PRKN: variants seen among roughly 807,000 people sequenced by gnomAD.
The protein encoded by PRKN is parkin RBR E3 ubiquitin protein ligase, also known as E3 ubiquitin-protein ligase parkin.
In PRKN, 56 loss-of-function variants were observed where a neutral mutation model predicts 59.5. The ratio of observed to expected loss-of-function variants is 0.94; its 90% CI spans 0.76 to 1.18. The LOEUF (loss-of-function observed/expected upper bound fraction) is 1.18. Ranked by LOEUF, PRKN falls within the 50% of genes most tolerant of loss-of-function variation. The probability of loss-of-function intolerance (pLI) is 0.00; values close to 1 mark genes in which losing one functional copy is unlikely to be tolerated. For synonymous variants in PRKN, 250 were observed against 222.1 expected (o/e 1.13, Z -1.12); for missense variants, 657 against 596.4 (o/e 1.10, Z -1.06).
intron 2 of PRKN, among the ~76,000 whole-genome samples, chr6:162,386,269 G>A (rs945406979): frequency 2.0e-5 from 3 of 152,156 alleles, no homozygotes; most frequent in Admixed American, 6.5e-5. Flanking sequence ...AAATTTAACC[G>A]TGCCACAGTG....
At chr6:161,885,586 A>G (rs1007586746) in intron 6 of PRKN, among the ~76,000 whole-genome samples, 1 of 150,056 alleles carries the variant, frequency 6.7e-6, no homozygotes. Flanking sequence ...AATGGCGTGA[A>G]CCCGGGAGGC....
At chr6:162,288,581 A>C (rs1781296185) in intron 2 of PRKN, among the ~76,000 whole-genome samples, 1 of 152,122 alleles carries the variant, frequency 6.6e-6, no homozygotes, top group Non-Finnish European at 1.5e-5. Flanking sequence ...TTGAAGAAGC[A>C]AGTCATCGTA....
At chr6:162,527,498 TA>T (rs1246033318) in intron 1 of PRKN, among the ~76,000 whole-genome samples, 1 of 152,162 alleles carries the variant, frequency 6.6e-6, no homozygotes, top group Non-Finnish European at 1.5e-5. Flanking sequence ...GGTTCTTTGG[TA>T]AATAAAATTA....
At chr6:162,235,244 AGT>A (rs1473918685) in intron 3 of PRKN, among the ~76,000 whole-genome samples, 1 of 152,102 alleles carries the variant, frequency 6.6e-6, no homozygotes, top group Non-Finnish European at 1.5e-5. Flanking sequence ...TGGGAATCTG[AGT>A]GTGTTTCCAG....
At chr6:162,199,437 A>G (rs950009052) in intron 4 of PRKN, among the ~76,000 whole-genome samples, 1 of 152,210 alleles carries the variant, frequency 6.6e-6, no homozygotes, top group Non-Finnish European at 1.5e-5. Flanking sequence ...AAAAGAATTT[A>G]GCTTGGAATT....
At chr6:162,366,178 T>C (rs1425380179) in intron 2 of PRKN, among the ~76,000 whole-genome samples, 1 of 152,242 alleles carries the variant, frequency 6.6e-6, no homozygotes, top group Non-Finnish European at 1.5e-5. Context: ...TTTTGTAAAT[T>C]AAAAATCACC....
chr6:161,797,479 G>A (rs1051307814), intron 6 of PRKN, among the ~76,000 whole-genome samples: 1 of 152,158 alleles, frequency 6.6e-6, no homozygotes, highest in African/African-American at 2.4e-5. Context: ...TGGCCAGGCT[G>A]GTCTCAAGCT....
chr6:162,520,131 C>T (rs1404486069), intron 1 of PRKN, among the ~76,000 whole-genome samples: 1 of 152,046 alleles, frequency 6.6e-6, no homozygotes, highest in African/African-American at 2.4e-5. Context: ...TGTGGAAGAA[C>T]ACATTTTTGG....
chr6:161,449,310 A>G (rs1174080186), intron 9 of PRKN, among the ~76,000 whole-genome samples: 1 of 152,184 alleles, frequency 6.6e-6, no homozygotes, highest in East Asian at 1.9e-4. Flanking sequence ...ACAACTTAAA[A>G]CACAAGTAAC....
chr6:161,750,340 T>G (rs915770142), intron 7 of PRKN, among the ~76,000 whole-genome samples: 1 of 152,188 alleles, frequency 6.6e-6, no homozygotes. Context: ...CTGCTGGAAC[T>G]TCTAATTGAC....
chr6:162,068,897 G>A (rs2187208), intron 4 of PRKN, among the ~76,000 whole-genome samples: 124,146 of 151,298 alleles, frequency 0.82, 51,107 homozygotes, highest in Admixed American at 0.88. Flanking sequence ...ATTAGGAGAA[G>A]GAGCTTTCAT....
In PRKN at chr6:162,709,033, G is replaced by A. The variant is rs145057969; in HGVS notation, c.7+18629C>T. 4.6e-3 allele frequency among the ~76,000 whole-genome samples: 699 copies of A among 152,242 alleles called. 8 individuals carry two copies. The highest frequency in any genetic ancestry group is 0.016 in the African/African-American group (651 of 41,548). ...CCCTATTGTGAACTCTGCATGTGAG[G>A]GATCTAGGCTGCAGGCTCCTTATGA... On this transcript the variant is annotated intron_variant, in intron 1 of 11. Coordinates refer to ENST00000366898, the MANE Select transcript of PRKN (RefSeq NM_004562.3).
intron 4 of PRKN, among the ~76,000 whole-genome samples, chr6:162,087,425 T>C (rs1357260655): frequency 1.3e-5 from 2 of 151,886 alleles, no homozygotes; most frequent in Non-Finnish European, 2.9e-5. Flanking sequence ...TTCATCAAAA[T>C]AGATTTGGAG....
At chr6:161,795,325 C>T (rs1281727403) in intron 6 of PRKN, among the ~76,000 whole-genome samples, 1 of 151,092 alleles carries the variant, frequency 6.6e-6, no homozygotes, top group Non-Finnish European at 1.5e-5. Flanking sequence ...CTTCGTCTCC[C>T]AGGTTCAAAT....
intron 4 of PRKN, among the ~76,000 whole-genome samples, chr6:162,132,735 C>T (rs1781414189): frequency 6.6e-6 from 1 of 151,962 alleles, no homozygotes; most frequent in Non-Finnish European, 1.5e-5. Flanking sequence ...GGCCAGGACT[C>T]CAGGGCATCT....
At chr6:162,450,295 A>C (rs111919445) in intron 1 of PRKN, among the ~76,000 whole-genome samples, 2 of 123,764 alleles carry the variant, frequency 1.6e-5, no homozygotes, top group African/African-American at 9.2e-5. Flanking sequence ...TGAGTGTAAC[A>C]CCCCTGTGAA....
chr6:161,729,697 AGTTCAAGAATAT>A (rs1188099122), intron 7 of PRKN, among the ~76,000 whole-genome samples: 3 of 152,232 alleles, frequency 2.0e-5, no homozygotes, highest in African/African-American at 7.2e-5. Context: ...AAAAATATAT[AGTTCAAGAATAT>A]GTTCAAGATG....
At chr6:162,042,522 C>G (rs1784105850) in intron 5 of PRKN, among the ~76,000 whole-genome samples, 1 of 151,984 alleles carries the variant, frequency 6.6e-6, no homozygotes, top group South Asian at 2.1e-4. Flanking sequence ...CTCCTGGGCT[C>G]AAACAATACT....
At chr6:162,218,048 T>C (rs1200047581) in intron 3 of PRKN, among the ~76,000 whole-genome samples, 2 of 152,108 alleles carry the variant, frequency 1.3e-5, no homozygotes, top group Admixed American at 6.5e-5. Flanking sequence ...CACGCCGGGG[T>C]GACAGGTCTG....
Sources: gnomAD v4.1 joint callset for allele counts (sites outside exome capture counted in the v4.1 genomes callset) on GRCh38, gnomAD v4.1.1 for gene constraint, MANE v1.5 for transcripts, NCBI Gene and HGNC (gene_info 2026-07-23, HGNC 2026-07-21) for gene names.